The following ZNF395 variants were observed in gnomAD, a reference collection of about 807,000 sequenced individuals.
ZNF395 encodes HD gene regulatory region-binding protein 2.
Under a neutral mutation model 57.7 loss-of-function variants are expected in ZNF395, and 20 were observed. The observed-to-expected ratio is 0.35, with a 90% confidence interval of 0.24 to 0.50. ZNF395 has a LOEUF of 0.50. Among genes scored for constraint, ZNF395 ranks in the 20% least tolerant of loss-of-function variants. The pLI, the probability that ZNF395 is intolerant of heterozygous loss-of-function variation, is 0.97. For synonymous variants in ZNF395, 295 were observed against 275.9 expected, an observed-to-expected ratio of 1.07 and a Z score of -0.69; for missense variants, 606 against 671.2, an observed-to-expected ratio of 0.90 and a Z score of 1.07.
intron 1 of ZNF395, among the ~76,000 whole-genome samples, chr8:28,363,452 C>G (rs1026424555): frequency 6.6e-6 from 1 of 152,060 alleles, no homozygotes; most frequent in Non-Finnish European, 1.5e-5. Flanking sequence ...TTTTTTAAAA[C>G]ACTGTCACCT....
intron 1 of ZNF395, among the ~76,000 whole-genome samples, chr8:28,369,223 C>G (rs922871324): frequency 6.6e-6 from 1 of 151,322 alleles, no homozygotes; most frequent in Non-Finnish European, 1.5e-5. Flanking sequence ...TCATCACATT[C>G]CCTGACAATG....
rs1801633099 is a variant in ZNF395, at chr8:28,348,286, T to TAAAAAAAAAAAAAAAAAAAA, written c.*432_*433insTTTTTTTTTTTTTTTTTTTT. ...TTTTTTTTTTTTTTTTTTTTTTTTTTAAGAAAAGTAAATTCATCTTGCTCA... is the reference window on the plus strand; with the variant it reads ...TTTTTTTTTTTTTTTTTTTTTTTTTTAAAAAAAAAAAAAAAAAAAAAAGAAAAGTAAATTCATCTTGCTCA... On this transcript the variant is annotated 3_prime_UTR_variant, in exon 10 of 10. Transcript: ENST00000344423. The TAAAAAAAAAAAAAAAAAAAA allele has an allele frequency of 6.9e-6, 1 of 144,480 alleles. No individual in the cohort carries two copies. The highest frequency in any genetic ancestry group is 2.6e-5 in the African/African-American group (1 of 38,018). 8.9% of individuals were successfully genotyped at this position (144,480 alleles called of 1,614,324 possible).
At chr8:28,369,315 T>C (rs1354897140) in intron 1 of ZNF395, among the ~76,000 whole-genome samples, 3 of 152,134 alleles carry the variant, frequency 2.0e-5, no homozygotes, top group South Asian at 2.1e-4. Flanking sequence ...CTTCAATGAA[T>C]GATCACATTA....
At chr8:28,373,663 T>C (rs1283136200) in intron 1 of ZNF395, among the ~76,000 whole-genome samples, 1 of 151,948 alleles carries the variant, frequency 6.6e-6, no homozygotes, top group African/African-American at 2.4e-5. Context: ...ACTATCAACA[T>C]ACGGGTCAAA....
chr8:28,363,398 T>C (rs1013054703), intron 1 of ZNF395, among the ~76,000 whole-genome samples: 1 of 152,124 alleles, frequency 6.6e-6, no homozygotes, highest in African/African-American at 2.4e-5. Context: ...GGCAGGCAGA[T>C]GCTGGGATTA....
chr8:28,362,597 T>A (rs1366924469), intron 1 of ZNF395, among the ~76,000 whole-genome samples: 1 of 151,004 alleles, frequency 6.6e-6, no homozygotes, highest in African/African-American at 2.4e-5. Flanking sequence ...GCACAGCCCT[T>A]AGCTCAAGCT....
chr8:28,360,773 G>A, intron 2 of ZNF395, 112 bp downstream of exon 2: 1 of 1,462,540 alleles, frequency 6.8e-7, no homozygotes, highest in Non-Finnish European at 9.1e-7. Context: ...GAGGGCAAAG[G>A]TCTGCACTCA....
Position 28,348,488 on chromosome 8 carries a change from T to C in ZNF395, c.*231A>G, listed in dbSNP as rs1002701480. 1.6e-5 allele frequency: 8 copies of C among 489,922 alleles called. No individual in the cohort carries two copies. The highest frequency in any genetic ancestry group is 2.2e-5 in the Non-Finnish European group (6 of 268,472). 30.3% of individuals were successfully genotyped at this position (489,922 alleles called of 1,614,324 possible). A position where few individuals can be genotyped will look rare whatever the true frequency, so the allele number is the denominator to read the frequency against. On this transcript the variant is annotated 3_prime_UTR_variant, in exon 10 of 10. Transcript: ENST00000344423. ...CACTGCTGAATAGCCTTGGTCAGTT[T>C]TGGCTCTCTCCTATTTTAGGGGGAA...
chr8:28,378,026 G>A (rs1428701114), intron 1 of ZNF395, among the ~76,000 whole-genome samples: 1 of 151,954 alleles, frequency 6.6e-6, no homozygotes, highest in Non-Finnish European at 1.5e-5. Context: ...CCAAAGTGCT[G>A]GGATTACAGA....
At chr8:28,381,570 C>T (rs892586831) in intron 1 of ZNF395, among the ~76,000 whole-genome samples, 7 of 151,732 alleles carry the variant, frequency 4.6e-5, no homozygotes, top group African/African-American at 7.3e-5. Context: ...TCATCTGGGA[C>T]GAGCTCTTAG....
At chr8:28,379,977 T>C (rs1284369577) in intron 1 of ZNF395, among the ~76,000 whole-genome samples, 2 of 152,232 alleles carry the variant, frequency 1.3e-5, no homozygotes, top group Admixed American at 1.3e-4. Flanking sequence ...GAAGTCACAC[T>C]GTAGATGTCC....
intron 1 of ZNF395, chr8:28,365,674 T>C (rs1262713535): frequency 6.6e-6 from 1 of 152,204 alleles, no homozygotes; most frequent in African/African-American, 2.4e-5. Context: ...CAAGCCCTCT[T>C]GTGTTCCTCA....
At chr8:28,367,758 T>C (rs1404699372) in intron 1 of ZNF395, among the ~76,000 whole-genome samples, 1 of 152,168 alleles carries the variant, frequency 6.6e-6, no homozygotes, top group Non-Finnish European at 1.5e-5. Flanking sequence ...CTGGCACCGA[T>C]GGGACTGCAG....
chr8:28,354,931 G>T (rs544992807), intron 4 of ZNF395, among the ~76,000 whole-genome samples: 1 of 151,508 alleles, frequency 6.6e-6, no homozygotes, highest in Admixed American at 6.6e-5. Context: ...CTACAAATGC[G>T]GTAGCCCTTC....
intron 1 of ZNF395, among the ~76,000 whole-genome samples, chr8:28,368,888 T>G (rs1801943323): frequency 6.6e-6 from 1 of 152,050 alleles, no homozygotes. Context: ...CAGGTTGGGG[T>G]GCAGTGGCGC....
chr8:28,369,794 A>C (rs540358273), intron 1 of ZNF395, among the ~76,000 whole-genome samples: 4 of 152,256 alleles, frequency 2.6e-5, no homozygotes, highest in Admixed American at 6.5e-5. Context: ...CCAGAGCAGA[A>C]AAAGCCCAGC....
intron 1 of ZNF395, among the ~76,000 whole-genome samples, chr8:28,366,160 G>T (rs1801908025): frequency 6.6e-6 from 1 of 152,198 alleles, no homozygotes; most frequent in Non-Finnish European, 1.5e-5. Flanking sequence ...AAGCGTGGGT[G>T]CTTGCTACTT....
intron 1 of ZNF395, among the ~76,000 whole-genome samples, chr8:28,373,317 T>C (rs1801998942): frequency 6.6e-6 from 1 of 152,216 alleles, no homozygotes; most frequent in African/African-American, 2.4e-5. Context: ...GGGTTTGATC[T>C]GATAGGATTA....
intron 1 of ZNF395, among the ~76,000 whole-genome samples, chr8:28,374,598 G>C (rs528403643): frequency 9.9e-5 from 15 of 152,132 alleles, no homozygotes; most frequent in Non-Finnish European, 2.1e-4. Flanking sequence ...GCACATCTGC[G>C]TTTCCAGTCA....
Sources: gnomAD v4.1 joint callset for allele counts (sites outside exome capture counted in the v4.1 genomes callset) on GRCh38, gnomAD v4.1.1 for gene constraint, MANE v1.5 for transcripts, NCBI Gene and HGNC (gene_info 2026-07-23, HGNC 2026-07-21) for gene names.